The following GABRB3 variants were observed in gnomAD, a reference collection of about 807,000 sequenced individuals.
The protein encoded by GABRB3 is gamma-aminobutyric acid receptor subunit beta-3.
A neutral mutation model predicts 52.1 loss-of-function variants in GABRB3; 14 were observed. The observed-to-expected ratio is 0.27, with a 90% confidence interval of 0.18 to 0.42. The LOEUF (loss-of-function observed/expected upper bound fraction) is 0.42. GABRB3 is among the 10% of genes least tolerant of loss of function. The pLI is 1.00. For missense variants in GABRB3, 307 were observed against 609.1 expected (o/e 0.50, Z 5.22); for synonymous variants, 260 against 232.3 (o/e 1.12, Z -1.08).
At chr15:26,589,809 T>C (rs374304482) in intron 4 of GABRB3, among the ~76,000 whole-genome samples, 1 of 152,168 alleles carries the variant, frequency 6.6e-6, no homozygotes, top group African/African-American at 2.4e-5. Context: ...GCAGAGTAAG[T>C]GTCCTGTAAA....
chr15:26,709,894 A>G (rs1268711241), intron 3 of GABRB3, among the ~76,000 whole-genome samples: 1 of 152,034 alleles, frequency 6.6e-6, no homozygotes, highest in Non-Finnish European at 1.5e-5. Context: ...GGCAACCACA[A>G]TCCAGTTTTA....
Position 26,555,817 on chromosome 15 carries a change from G to C in GABRB3, c.1080+5115C>G, listed in dbSNP as rs555012673. Among the ~76,000 whole-genome samples, 5 of 152,274 alleles carry C rather than the reference G, an allele frequency of 3.3e-5. No homozygotes were observed. The South Asian group carries it at 8.3e-4, about 25-fold the overall frequency. ...ATTAATAAGATCTTAGTGTTAAATAGTTTGGCTGCTTTATTTATGGTTTTA... is the reference window on the plus strand; with the variant it reads ...ATTAATAAGATCTTAGTGTTAAATACTTTGGCTGCTTTATTTATGGTTTTA... On this transcript the variant is annotated intron_variant, in intron 8 of 8. Coordinates refer to ENST00000311550, the MANE Select transcript of GABRB3 (RefSeq NM_000814.6).
chr15:26,767,521 C>T (rs12437535), intron 3 of GABRB3, among the ~76,000 whole-genome samples: 26,684 of 152,068 alleles, frequency 0.18, 2,760 homozygotes, highest in Admixed American at 0.32. Context: ...TGGAAACCTC[C>T]GACTGAATTC....
At chr15:26,619,285 T>C (rs1023065906) in intron 4 of GABRB3, among the ~76,000 whole-genome samples, 35 of 151,690 alleles carry the variant, frequency 2.3e-4, no homozygotes, top group African/African-American at 8.0e-4. Context: ...CCAACCATGA[T>C]AGACTGGATT....
At chr15:26,739,042 A>G (rs1890135748) in intron 3 of GABRB3, among the ~76,000 whole-genome samples, 1 of 152,164 alleles carries the variant, frequency 6.6e-6, no homozygotes, top group Non-Finnish European at 1.5e-5. Flanking sequence ...TTGCAAAGAT[A>G]GGAGCTCAAA....
chr15:26,561,287 T>C lies in GABRB3; in HGVS notation c.836-111A>G, dbSNP rs751240329. On this transcript the variant is annotated intron_variant, in intron 7 of 8. Transcript: ENST00000311550. ...GCTTTAAGTAGTCAGAGATAAGGGG[T>C]TGAATACTGTGGGGTGACTGGAATG... 1.8e-5 allele frequency: 26 copies of C among 1,459,038 alleles called. No homozygotes were observed. In the South Asian group the frequency reaches 2.1e-4, roughly 12 times the overall value. The allele number at this position is 1,459,038 out of a possible 1,614,324, so 90.4% of individuals were successfully genotyped here.
chr15:26,645,137 G>C (rs902955716), intron 3 of GABRB3, among the ~76,000 whole-genome samples: 3 of 152,142 alleles, frequency 2.0e-5, no homozygotes, highest in African/African-American at 7.2e-5. Flanking sequence ...CAGCGTTCTA[G>C]AGGCTGAGGC....
chr15:26,773,759 G>C, upstream of GABRB3: 1 of 1,538,252 alleles, frequency 6.5e-7, no homozygotes, highest in Non-Finnish European at 8.8e-7. Flanking sequence ...GCTGGGATCC[G>C]CTCTCCCCCC....
chr15:26,547,700 G>T lies in GABRB3; in HGVS notation c.*93C>A. On this transcript the variant is annotated 3_prime_UTR_variant, in exon 9 of 9. Transcript: ENST00000311550. The stretch of plus-strand genomic sequence containing the variant: ...TGTATATATGTGTGTGTCTGCTTGT[G>T]TGTCTGTGTGTGTACAGGTATAAAA... 1.1e-6 allele frequency: 1 copy of T among 918,938 alleles called. No homozygotes were observed. The highest frequency in any genetic ancestry group is 1.8e-6 in the Non-Finnish European group (1 of 562,548). 56.9% of individuals were successfully genotyped at this position (918,938 alleles called of 1,614,324 possible).
intron 3 of GABRB3, among the ~76,000 whole-genome samples, chr15:26,636,071 C>T (rs1257564623): frequency 1.3e-5 from 2 of 152,222 alleles, no homozygotes; most frequent in Non-Finnish European, 2.9e-5. Context: ...CTCTGGAATA[C>T]TGTAATCAAA....
rs1325439792 is a variant in GABRB3 at position 26,546,303 on chromosome 15, CTCT to C, written c.*1487_*1489del. Reference sequence around the variant, plus strand: ...ATATTGTTTACAAAAAATATATCATCTCTTTTTTTTTTCTTTAGAAAGATCTCA... The same window carrying C: ...ATATTGTTTACAAAAAATATATCATCTTTTTTTTTCTTTAGAAAGATCTCA... On this transcript the variant is annotated 3_prime_UTR_variant, in exon 9 of 9. Coordinates refer to ENST00000311550, the MANE Select transcript of GABRB3 (RefSeq NM_000814.6). 1 of 152,416 alleles carries C rather than the reference CTCT, an allele frequency of 6.6e-6. No homozygotes were observed. Among genetic ancestry groups the C allele is most frequent in the Non-Finnish European group, 1.5e-5 (1 of 67,994 alleles). The allele number at this position is 152,416 out of a possible 1,614,324, so 9.4% of individuals were successfully genotyped here.
At chr15:26,563,809 C>T (rs1440942035) in intron 7 of GABRB3, among the ~76,000 whole-genome samples, 1 of 152,038 alleles carries the variant, frequency 6.6e-6, no homozygotes, top group Non-Finnish European at 1.5e-5. Flanking sequence ...TGTACGTTCA[C>T]CAGGCTTGTA....
At position 26,546,151 on chromosome 15, in the gene GABRB3, A is replaced by G. The variant is rs1025574621; in HGVS notation, c.*1642T>C. 2 of 152,546 alleles carry G rather than the reference A, an allele frequency of 1.3e-5. No individual in the cohort carries two copies. The highest frequency in any genetic ancestry group is 4.8e-5 in the African/African-American group (2 of 41,440). 9.4% of individuals were successfully genotyped at this position (152,546 alleles called of 1,614,324 possible). A position where few individuals can be genotyped will look rare whatever the true frequency, so the allele number is the denominator to read the frequency against. On this transcript the variant is annotated 3_prime_UTR_variant, in exon 9 of 9. Transcript: ENST00000311550. Reference sequence around the variant, plus strand: ...TGAGGCATACGTGGCATTTTGGGATAAAGTATTAATTTAGCAGTTCTTCCT... The same window carrying G: ...TGAGGCATACGTGGCATTTTGGGATGAAGTATTAATTTAGCAGTTCTTCCT...
In GABRB3 at chr15:26,696,952, A is replaced by T. The variant is rs12440143; in HGVS notation, c.241-75418T>A. On this transcript the variant is annotated intron_variant, in intron 3 of 8. Transcript: ENST00000311550. ...GCCAACATGCAGTGAATTTAAGGGAATGTCAACAAATGACAAAATCAAATT... is the reference window on the plus strand; with the variant it reads ...GCCAACATGCAGTGAATTTAAGGGATTGTCAACAAATGACAAAATCAAATT... Among the ~76,000 whole-genome samples the T allele has an allele frequency of 8.0e-3, 1,214 of 152,342 alleles. 40 individuals are homozygous for T. Among genetic ancestry groups the T allele is most frequent in the Admixed American group, 0.054 (830 of 15,300 alleles).
intron 3 of GABRB3, among the ~76,000 whole-genome samples, chr15:26,732,119 C>G (rs1047267072): frequency 6.7e-6 from 1 of 149,032 alleles, no homozygotes; most frequent in Non-Finnish European, 1.5e-5. Flanking sequence ...GATGGATGGA[C>G]AGACAGATGG....
At chr15:26,734,675 T>C (rs1019965493) in intron 3 of GABRB3, among the ~76,000 whole-genome samples, 2 of 141,414 alleles carry the variant, frequency 1.4e-5, no homozygotes, top group African/African-American at 2.7e-5. Flanking sequence ...TAGTGGCTCA[T>C]ACCAGTAATC....
At chr15:26,714,790 C>T (rs958064093) in intron 3 of GABRB3, among the ~76,000 whole-genome samples, 1 of 152,100 alleles carries the variant, frequency 6.6e-6, no homozygotes, top group Non-Finnish European at 1.5e-5. Context: ...TTTTCATTAT[C>T]ACTGTTAGTA....
In GABRB3 at chr15:26,764,182, ATATATATATATATATATATATAT is replaced by A. The variant is rs1890927423; in HGVS notation, c.240+8197_240+8219del. On this transcript the variant is annotated intron_variant, in intron 3 of 8. Coordinates refer to ENST00000311550, the MANE Select transcript of GABRB3 (RefSeq NM_000814.6). ...AAAAAAAAAAAAAAAAAAAAAAAAT[ATATATATATATATATATATATAT>A]ATATATATATATATATATATATATA... Among the ~76,000 whole-genome samples the A allele has an allele frequency of 4.6e-3, 21 of 4,562 alleles. 3 individuals are homozygous for A. Among genetic ancestry groups the A allele is most frequent in the Non-Finnish European group, 5.9e-3 (15 of 2,558 alleles). 3.0% of individuals were successfully genotyped at this position (4,562 alleles called of 152,430 possible).
chr15:26,597,316 T>C (rs1402261555), intron 4 of GABRB3, among the ~76,000 whole-genome samples: 2 of 152,146 alleles, frequency 1.3e-5, no homozygotes, highest in East Asian at 3.9e-4. Context: ...AGCCATGATG[T>C]TAAATGACAA....
Sources: allele counts gnomAD v4.1 joint callset (sites outside exome capture counted in the v4.1 genomes callset), GRCh38; gene constraint gnomAD v4.1.1; transcripts MANE v1.5; gene names NCBI Gene and HGNC (gene_info 2026-07-23, HGNC 2026-07-21).